The following AMPH variants were observed in gnomAD, a reference collection of about 807,000 sequenced individuals.
AMPH encodes the protein amphiphysin, also known as amphiphysin (Stiff-Mann syndrome with breast cancer 128kD autoantigen).
In AMPH, 49 loss-of-function variants were observed where a neutral mutation model predicts 99.1. That is an observed-to-expected ratio of 0.49 (90% confidence interval 0.39 to 0.63). AMPH has a LOEUF of 0.63. Among genes scored for constraint, AMPH ranks in the 20% least tolerant of loss-of-function variants. The pLI is 0.00. For synonymous variants in AMPH, 314 were observed against 317.3 expected, an observed-to-expected ratio of 0.99 and a Z score of 0.11; for missense variants, 759 against 863.4, an observed-to-expected ratio of 0.88 and a Z score of 1.52.
intron 1 of AMPH, among the ~76,000 whole-genome samples, chr7:38,601,974 TG>T (rs1793261309): frequency 6.6e-6 from 1 of 152,166 alleles, no homozygotes; most frequent in Non-Finnish European, 1.5e-5. Flanking sequence ...TAACTACCTG[TG>T]GGTATCAATG....
intron 1 of AMPH, among the ~76,000 whole-genome samples, chr7:38,587,945 TGTGTGC>T (rs922922196): frequency 4.2e-5 from 6 of 142,464 alleles, no homozygotes; most frequent in African/African-American, 1.6e-4. Context: ...TGTGTGTGTG[TGTGTGC>T]GCGTGTGTGT....
chr7:38,617,633 G>A (rs1793923182), intron 1 of AMPH, among the ~76,000 whole-genome samples: 1 of 152,178 alleles, frequency 6.6e-6, no homozygotes, highest in Non-Finnish European at 1.5e-5. Context: ...ATCCACTGAT[G>A]ACTTAATTCT....
At chr7:38,402,965 T>G (rs547027684) in intron 17 of AMPH, among the ~76,000 whole-genome samples, 29 of 152,336 alleles carry the variant, frequency 1.9e-4, no homozygotes, top group African/African-American at 6.7e-4. Context: ...GATTTTTAAG[T>G]GTTTTCAGCT....
chr7:38,592,363 C>T (rs960631199), intron 1 of AMPH, among the ~76,000 whole-genome samples: 8 of 152,176 alleles, frequency 5.3e-5, no homozygotes, highest in African/African-American at 1.9e-4. Flanking sequence ...TCCCTCTTCA[C>T]AGCTACCATG....
At chr7:38,600,017 A>G (rs1299000043) in intron 1 of AMPH, among the ~76,000 whole-genome samples, 1 of 152,082 alleles carries the variant, frequency 6.6e-6, no homozygotes, top group Non-Finnish European at 1.5e-5. Flanking sequence ...AGTTGTAAGC[A>G]TCTTTAAGGA....
intron 1 of AMPH, among the ~76,000 whole-genome samples, chr7:38,624,713 T>C (rs1224552435): frequency 1.3e-5 from 2 of 151,560 alleles, no homozygotes; most frequent in Non-Finnish European, 2.9e-5. Flanking sequence ...CCCAGAGAGA[T>C]CAAGTATTTA....
At chr7:38,604,844 TC>T (rs370397926) in intron 1 of AMPH, among the ~76,000 whole-genome samples, 6 of 152,244 alleles carry the variant, frequency 3.9e-5, no homozygotes, top group African/African-American at 1.4e-4. Flanking sequence ...TCAGGCTGTC[TC>T]TAAGAACAGC....
At chr7:38,398,520 T>C (rs1562726819) in intron 17 of AMPH, among the ~76,000 whole-genome samples, 3 of 151,706 alleles carry the variant, frequency 2.0e-5, no homozygotes, top group Non-Finnish European at 4.4e-5. Flanking sequence ...AGACAGAGAG[T>C]AGAAGGATGC....
rs1488743985 is a variant in AMPH at position 38,393,955 on chromosome 7, G to C, written c.1608+50C>G. 1.9e-6 allele frequency: 3 copies of C among 1,583,610 alleles called. No homozygotes were observed. The South Asian group carries it at 3.3e-5, about 18-fold the overall frequency. Reference sequence around the variant, plus strand: ...CATGAACCAACCAACAGAGCACCCAGCCCATGCTACTTCCCAGGAGCTCCC... The same window carrying C: ...CATGAACCAACCAACAGAGCACCCACCCCATGCTACTTCCCAGGAGCTCCC... On this transcript the variant is annotated intron_variant, in intron 18 of 20. Coordinates refer to ENST00000356264, the MANE Select transcript of AMPH (RefSeq NM_001635.4).
intron 17 of AMPH, among the ~76,000 whole-genome samples, chr7:38,408,916 T>C (rs192632161): frequency 6.4e-4 from 98 of 152,316 alleles, no homozygotes; most frequent in African/African-American, 2.0e-3. Flanking sequence ...AGTTGATCCA[T>C]TGCACTACAG....
chr7:38,480,500 C>T (rs534381487), intron 5 of AMPH, among the ~76,000 whole-genome samples: 2 of 152,248 alleles, frequency 1.3e-5, no homozygotes, highest in African/African-American at 2.4e-5. Flanking sequence ...CAACTACAAC[C>T]TGTCACTCTA....
At chr7:38,458,732 T>A (rs1787326828) in intron 11 of AMPH, among the ~76,000 whole-genome samples, 1 of 152,100 alleles carries the variant, frequency 6.6e-6, no homozygotes, top group Non-Finnish European at 1.5e-5. Context: ...AGGCCATATA[T>A]GACAAAAGCA....
At chr7:38,413,355 G>T (rs1172146011) in intron 17 of AMPH, among the ~76,000 whole-genome samples, 1 of 125,360 alleles carries the variant, frequency 8.0e-6, no homozygotes, top group South Asian at 2.6e-4. Context: ...TATAAAAAAA[G>T]CCAAAGTATC....
At chr7:38,481,193 A>T (rs549177148) in intron 5 of AMPH, among the ~76,000 whole-genome samples, 1 of 152,242 alleles carries the variant, frequency 6.6e-6, no homozygotes, top group East Asian at 1.9e-4. Context: ...GATATTTGGG[A>T]AACTTGGGGG....
chr7:38,600,591 G>A (rs1202032185), intron 1 of AMPH, among the ~76,000 whole-genome samples: 2 of 152,064 alleles, frequency 1.3e-5, no homozygotes, highest in African/African-American at 4.8e-5. Context: ...TTGAACCATA[G>A]GAAAATGTCA....
chr7:38,583,819 C>T (rs1792551922), intron 1 of AMPH, among the ~76,000 whole-genome samples: 1 of 152,242 alleles, frequency 6.6e-6, no homozygotes, highest in Admixed American at 6.5e-5. Context: ...AGCCCCTGCA[C>T]TGCTTACTAC....
At chr7:38,407,168 A>G (rs1312471745) in intron 17 of AMPH, among the ~76,000 whole-genome samples, 1 of 141,484 alleles carries the variant, frequency 7.1e-6, no homozygotes, top group Non-Finnish European at 1.5e-5. Context: ...ATCTATATCT[A>G]TCTATCTAGC....
chr7:38,410,924 G>T (rs185149578), intron 17 of AMPH, among the ~76,000 whole-genome samples: 1 of 152,178 alleles, frequency 6.6e-6, no homozygotes, highest in Non-Finnish European at 1.5e-5. Context: ...CTAAGCATTC[G>T]TTGTGGGAAG....
chr7:38,487,569 C>T (rs1286162244), intron 5 of AMPH, among the ~76,000 whole-genome samples: 1 of 151,952 alleles, frequency 6.6e-6, no homozygotes, highest in Admixed American at 6.6e-5. Flanking sequence ...CTATAAAAAC[C>T]CTAGAAGAAA....
Sources: gnomAD v4.1 joint callset for allele counts (sites outside exome capture counted in the v4.1 genomes callset) on GRCh38, gnomAD v4.1.1 for gene constraint, MANE v1.5 for transcripts, NCBI Gene and HGNC (gene_info 2026-07-23, HGNC 2026-07-21) for gene names.